The following MECOM variants were observed in gnomAD, a reference collection of about 807,000 sequenced individuals.
MECOM encodes histone-lysine N-methyltransferase MECOM.
A neutral mutation model predicts 116.3 loss-of-function variants in MECOM; 13 were observed. The ratio of observed to expected loss-of-function variants is 0.11; its 90% CI spans 0.07 to 0.18. The LOEUF is 0.18. Ranked by LOEUF, MECOM falls within the 10% of genes least tolerant of loss-of-function variation. The pLI, the probability that MECOM is intolerant of heterozygous loss-of-function variation, is 1.00. For synonymous variants in MECOM, 528 were observed against 535.2 expected (o/e 0.99, Z 0.19); for missense variants, 1,299 against 1,509.0 (o/e 0.86, Z 2.31).
intron 1 of MECOM, chr3:169,614,713 A>C (rs747532731): frequency 6.6e-6 from 1 of 152,164 alleles, no homozygotes; most frequent in Non-Finnish European, 1.5e-5. Context: ...CTTTAAAAAA[A>C]AAAAAAGACG....
rs372160543 is a variant in MECOM at position 169,606,688 on chromosome 3, G to T, written c.37+56648C>A. On this transcript the variant is annotated intron_variant, in intron 1 of 16. Coordinates refer to ENST00000651503, the MANE Select transcript of MECOM (RefSeq NM_004991.4). Reference sequence around the variant, plus strand: ...GCTCTGCTCTGCAAGAACATTCAGGGTTCCAGATTCCTCCTCGCTTATTGC... The same window carrying T: ...GCTCTGCTCTGCAAGAACATTCAGGTTTCCAGATTCCTCCTCGCTTATTGC... Among the ~76,000 whole-genome samples the T allele has an allele frequency of 2.6e-5, 4 of 152,142 alleles. No homozygotes were observed. In the East Asian group the frequency reaches 7.7e-4, roughly 29 times the overall value.
chr3:169,267,331 T>C (rs1408938475), intron 2 of MECOM, among the ~76,000 whole-genome samples: 2 of 152,194 alleles, frequency 1.3e-5, no homozygotes, highest in Non-Finnish European at 2.9e-5. Flanking sequence ...TGAGACCCGG[T>C]GTCTAATTTT....
rs564862122 is a variant in MECOM, at chr3:169,632,812, C to T, written c.37+30524G>A. Among the ~76,000 whole-genome samples, 4 of 152,266 alleles carry T rather than the reference C, an allele frequency of 2.6e-5. No individual in the cohort carries two copies. In the South Asian group the frequency reaches 8.3e-4, roughly 32 times the overall value. On this transcript the variant is annotated intron_variant, in intron 1 of 16. Coordinates refer to ENST00000651503, the MANE Select transcript of MECOM (RefSeq NM_004991.4). ...TTTTGTTTGGTTTGATTTTCCGAGG[C>T]CCTATCTGAACAAAGGTTGTAAATC... is the stretch of plus-strand genomic sequence containing the variant.
intron 2 of MECOM, among the ~76,000 whole-genome samples, chr3:169,240,688 A>C (rs1754679856): frequency 6.6e-6 from 1 of 152,152 alleles, no homozygotes; most frequent in African/African-American, 2.4e-5. Flanking sequence ...GATGATCCAT[A>C]AAGTCATGAA....
In MECOM at chr3:169,404,705, G is replaced by T. The variant is rs375158152; in HGVS notation, c.38-23181C>A. Among the ~76,000 whole-genome samples the T allele has an allele frequency of 2.6e-5, 4 of 152,316 alleles. No homozygotes were observed. In the South Asian group the frequency reaches 8.3e-4, roughly 32 times the overall value. On this transcript the variant is annotated intron_variant, in intron 1 of 16. Transcript: ENST00000651503. The stretch of plus-strand genomic sequence containing the variant: ...AGACCAGAGAGCGCCACGCAGAGAA[G>T]GCTCTGGCCACCCCGCCGGCCTGGT...
intron 1 of MECOM, among the ~76,000 whole-genome samples, chr3:169,494,667 C>A (rs1032565226): frequency 9.2e-5 from 14 of 152,172 alleles, no homozygotes; most frequent in Non-Finnish European, 1.5e-4. Context: ...AGAGCACAAT[C>A]TTTTAAAGCA....
intron 1 of MECOM, among the ~76,000 whole-genome samples, chr3:169,662,474 C>T (rs1776417412): frequency 6.6e-6 from 1 of 152,116 alleles, no homozygotes; most frequent in African/African-American, 2.4e-5. Context: ...CGAGCGCTCG[C>T]TGGGCCTCTT....
rs142806522 is a variant in MECOM at position 169,106,469 on chromosome 3, C to T, written c.2604+1457G>A. 6.3e-4 allele frequency among the ~76,000 whole-genome samples: 96 copies of T among 151,914 alleles called. 1 individual carries two copies. In the Middle Eastern group the frequency reaches 0.01, roughly 16 times the overall value. ...AATCCACATAGAGGTTTTTTTACCA[C>T]GAAAAATTATAAACATATATCTTTA... On this transcript the variant is annotated intron_variant, in intron 10 of 16. Coordinates refer to ENST00000651503, the MANE Select transcript of MECOM (RefSeq NM_004991.4).
intron 1 of MECOM, among the ~76,000 whole-genome samples, chr3:169,402,988 A>G (rs1736131417): frequency 6.6e-6 from 1 of 152,222 alleles, no homozygotes; most frequent in South Asian, 2.1e-4. Context: ...CTTACATGTT[A>G]TTTATTCCTA....
chr3:169,545,421 G>T lies in MECOM; in HGVS notation c.37+117915C>A, dbSNP rs114653940. On this transcript the variant is annotated intron_variant, in intron 1 of 16. Coordinates refer to ENST00000651503, the MANE Select transcript of MECOM (RefSeq NM_004991.4). ...GAGAATAAGGTTGGAATGAACAAAG[G>T]TAAGAGGGAAATCTTGGAAAGGATA... Among the ~76,000 whole-genome samples, 1,441 of 152,258 alleles carry T rather than the reference G, an allele frequency of 9.5e-3. 20 individuals carry two copies. Among genetic ancestry groups the T allele is most frequent in the African/African-American group, 0.033 (1,381 of 41,528 alleles).
chr3:169,561,232 C>A (rs569141965), intron 1 of MECOM, among the ~76,000 whole-genome samples: 1 of 152,078 alleles, frequency 6.6e-6, no homozygotes, highest in South Asian at 2.1e-4. Flanking sequence ...TTTGTACAAT[C>A]ACTTTGGAGA....
At chr3:169,251,674 G>A (rs1476110544) in intron 2 of MECOM, among the ~76,000 whole-genome samples, 2 of 152,184 alleles carry the variant, frequency 1.3e-5, no homozygotes, top group African/African-American at 4.8e-5. Flanking sequence ...TCTTGGCCAA[G>A]TGTCTCCAGC....
At position 169,527,441 on chromosome 3, in the gene MECOM, T is replaced by C. The variant is rs575116124; in HGVS notation, c.37+135895A>G. On this transcript the variant is annotated intron_variant, in intron 1 of 16. Coordinates refer to ENST00000651503, the MANE Select transcript of MECOM (RefSeq NM_004991.4). ...ATTTTTAAAGGAGTAAAGAGATTGA[T>C]GCATCACTATGGACTACTTAAGCCC... Among the ~76,000 whole-genome samples the C allele has an allele frequency of 2.0e-5, 3 of 152,354 alleles. No homozygotes were observed. In the South Asian group the frequency reaches 6.2e-4, roughly 32 times the overall value.
Position 169,378,503 on chromosome 3 carries a change from AAGAAAGAAAGAAAAGAAAG to A in MECOM, c.375+2665_375+2683del, listed in dbSNP as rs1239699214. 7.9e-3 allele frequency among the ~76,000 whole-genome samples: 262 copies of A among 33,138 alleles called. 15 individuals carry two copies. Among genetic ancestry groups the A allele is most frequent in the African/African-American group, 9.0e-3 (54 of 6,012 alleles). The allele number at this position is 33,138 out of a possible 152,430, so 21.7% of individuals were successfully genotyped here. On this transcript the variant is annotated intron_variant, in intron 2 of 16. Coordinates refer to ENST00000651503, the MANE Select transcript of MECOM (RefSeq NM_004991.4). ...AAAGAGAGAGAGAAAGAAAGAAAGA[AAGAAAGAAAGAAAAGAAAG>A]AAAGAAAGAAAGAAAGAAAGAAAGA...
chr3:169,194,306 G>A (rs1748113652), intron 2 of MECOM, among the ~76,000 whole-genome samples: 1 of 152,062 alleles, frequency 6.6e-6, no homozygotes, highest in South Asian at 2.1e-4. Flanking sequence ...ACACACCGGG[G>A]CCCGTTGTGG....
chr3:169,366,344 A>G (rs918658566), intron 2 of MECOM, among the ~76,000 whole-genome samples: 1 of 151,932 alleles, frequency 6.6e-6, no homozygotes, highest in African/African-American at 2.4e-5. Context: ...TTTGGAAACC[A>G]GGTCCAGGAT....
At chr3:169,310,119 A>G (rs1261488584) in intron 2 of MECOM, among the ~76,000 whole-genome samples, 1 of 152,212 alleles carries the variant, frequency 6.6e-6, no homozygotes, top group Non-Finnish European at 1.5e-5. Flanking sequence ...AATTCCCTTG[A>G]GCCATTTTGC....
intron 1 of MECOM, among the ~76,000 whole-genome samples, chr3:169,574,836 A>C (rs1432701601): frequency 6.6e-6 from 1 of 152,166 alleles, no homozygotes; most frequent in South Asian, 2.1e-4. Flanking sequence ...TAAAAAAAAA[A>C]AAAACTTTTC....
At chr3:169,428,989 G>C (rs1383600883) in intron 1 of MECOM, among the ~76,000 whole-genome samples, 3 of 149,354 alleles carry the variant, frequency 2.0e-5, no homozygotes, top group African/African-American at 7.3e-5. Context: ...AGAAAACAAA[G>C]CCAAAAATAT....
Sources: gnomAD v4.1 joint callset for allele counts (sites outside exome capture counted in the v4.1 genomes callset) on GRCh38, gnomAD v4.1.1 for gene constraint, MANE v1.5 for transcripts, NCBI Gene and HGNC (gene_info 2026-07-23, HGNC 2026-07-21) for gene names.